KAZN: variants seen among roughly 807,000 people sequenced by gnomAD.
The protein encoded by KAZN is kazrin, periplakin interacting protein.
Under a neutral mutation model 87.4 loss-of-function variants are expected in KAZN, and 40 were observed. The observed-to-expected ratio is 0.46, with a 90% CI of 0.36 to 0.60. The LOEUF (loss-of-function observed/expected upper bound fraction) is 0.60. KAZN is among the 20% of genes least tolerant of loss of function. The probability of loss-of-function intolerance (pLI) is 0.00; values close to 1 mark genes in which losing one functional copy is unlikely to be tolerated. For synonymous variants in KAZN, 466 were observed against 458.3 expected, an observed-to-expected ratio of 1.02 and a Z score of -0.22; for missense variants, 898 against 1,073.9, an observed-to-expected ratio of 0.84 and a Z score of 2.29.
chr1:14,175,720 G>A (rs1164126573), intron 1 of KAZN, among the ~76,000 whole-genome samples: 1 of 152,202 alleles, frequency 6.6e-6, no homozygotes, highest in African/African-American at 2.4e-5. Context: ...ACTGGCATAA[G>A]GAGTTTTGTT....
At chr1:14,758,070 C>T (rs1385564483) in intron 1 of KAZN, among the ~76,000 whole-genome samples, 1 of 152,036 alleles carries the variant, frequency 6.6e-6, no homozygotes, top group African/African-American at 2.4e-5. Context: ...ACTTCACTGC[C>T]TCTTGACTTT....
At chr1:14,415,880 G>A (rs1450509664) in intron 2 of KAZN, among the ~76,000 whole-genome samples, 3 of 152,088 alleles carry the variant, frequency 2.0e-5, no homozygotes, top group African/African-American at 4.8e-5. Context: ...AGCAGAAGGC[G>A]TGCTTCCCAA....
chr1:14,213,492 G>T (rs1362185721), intron 2 of KAZN, among the ~76,000 whole-genome samples: 7 of 152,146 alleles, frequency 4.6e-5, no homozygotes, highest in Admixed American at 3.9e-4. Context: ...AGACAGAGGA[G>T]GGCAAGTGCA....
In KAZN at chr1:14,880,747, G is replaced by C. The variant is rs61303881; in HGVS notation, c.227-79937G>C. ...TTCTCCCTGTGACCTGGACTTCTTA[G>C]AGCATAGATTTGTGCATTCCAGGAG... On this transcript the variant is annotated intron_variant, in intron 1 of 14. Transcript: ENST00000376030. 7.2e-3 allele frequency among the ~76,000 whole-genome samples: 1,100 copies of C among 152,268 alleles called. 15 individuals carry two copies. Among genetic ancestry groups the C allele is most frequent in the African/African-American group, 0.026 (1,062 of 41,538 alleles).
chr1:14,498,052 G>C (rs1246938078), intron 2 of KAZN, among the ~76,000 whole-genome samples: 3 of 152,056 alleles, frequency 2.0e-5, no homozygotes, highest in Non-Finnish European at 1.5e-5. Flanking sequence ...CACCTCATTC[G>C]TATTCAATGT....
chr1:13,995,617 T>A (rs1639478243), intron 1 of KAZN, among the ~76,000 whole-genome samples: 2 of 152,224 alleles, frequency 1.3e-5, no homozygotes, highest in African/African-American at 4.8e-5. Flanking sequence ...ATTTACAGAT[T>A]TGACACGATC....
intron 2 of KAZN, among the ~76,000 whole-genome samples, chr1:14,554,664 G>A (rs1046118349): frequency 6.6e-6 from 1 of 152,154 alleles, no homozygotes; most frequent in Non-Finnish European, 1.5e-5. Flanking sequence ...TATTAATCCG[G>A]TACTTGACAT....
At chr1:13,984,552 A>G (rs1389164028) in intron 1 of KAZN, among the ~76,000 whole-genome samples, 1 of 152,202 alleles carries the variant, frequency 6.6e-6, no homozygotes, top group East Asian at 1.9e-4. Context: ...GAAGATGATA[A>G]CCTTGTAAAG....
intron 2 of KAZN, among the ~76,000 whole-genome samples, chr1:14,237,176 T>G (rs1352366807): frequency 6.6e-6 from 1 of 152,152 alleles, no homozygotes; most frequent in Non-Finnish European, 1.5e-5. Flanking sequence ...CCTTTCAGCA[T>G]CTCACTCTCT....
At chr1:14,337,854 A>C (rs921970605) in intron 2 of KAZN, among the ~76,000 whole-genome samples, 1 of 148,876 alleles carries the variant, frequency 6.7e-6, no homozygotes, top group African/African-American at 2.5e-5. Context: ...AGATTGAATC[A>C]CTGTACTCCA....
rs957957161 is a variant in KAZN, at chr1:14,820,329, C to T, written c.227-140355C>T. 1.1e-4 allele frequency among the ~76,000 whole-genome samples: 17 copies of T among 152,344 alleles called. No individual in the cohort carries two copies. Among genetic ancestry groups the T allele is most frequent in the Non-Finnish European group, 2.1e-4 (14 of 68,024 alleles). On this transcript the variant is annotated intron_variant, in intron 1 of 14. Coordinates refer to ENST00000376030, the MANE Select transcript of KAZN (RefSeq NM_201628.3). The surrounding 1 kb of genome is among the most constrained non-coding windows in gnomAD (Gnocchi z 4.1). ...GCTTTTGAGGGTTACTTAGCCAAGTCATTGCCTCTGTTCCCGGAGCCATCT... is the reference window on the plus strand; with the variant it reads ...GCTTTTGAGGGTTACTTAGCCAAGTTATTGCCTCTGTTCCCGGAGCCATCT...
At chr1:15,027,618 C>A (rs1671304707) in intron 2 of KAZN, among the ~76,000 whole-genome samples, 1 of 152,176 alleles carries the variant, frequency 6.6e-6, no homozygotes, top group Non-Finnish European at 1.5e-5. Context: ...CCTCATTTCG[C>A]AGAATGTAGT....
intron 2 of KAZN, among the ~76,000 whole-genome samples, chr1:14,550,743 CACCCCG>C (rs1673463661): frequency 4.0e-5 from 3 of 74,628 alleles, no homozygotes; most frequent in South Asian, 9.2e-4. Flanking sequence ...CTCTCTCCCC[CACCCCG>C]CCACCCCCTC....
intron 4 of KAZN, among the ~76,000 whole-genome samples, chr1:15,051,167 C>T (rs765091134): frequency 3.3e-5 from 5 of 152,258 alleles, no homozygotes; most frequent in East Asian, 1.9e-4. Flanking sequence ...ATTCCCTAGA[C>T]GAGCACTCAT....
intron 2 of KAZN, chr1:14,349,441 G>GA (rs1277573753): frequency 6.6e-6 from 1 of 152,078 alleles, no homozygotes; most frequent in Non-Finnish European, 1.5e-5. Flanking sequence ...TTTATTTCTT[G>GA]AAAAATAAAA....
chr1:14,914,421 C>A (rs2690028), intron 1 of KAZN, among the ~76,000 whole-genome samples: 1 of 152,072 alleles, frequency 6.6e-6, no homozygotes, highest in Non-Finnish European at 1.5e-5. Context: ...TACTATTTGC[C>A]GGTAGCACAG....
chr1:14,125,922 T>A (rs1380386400), intron 1 of KAZN, among the ~76,000 whole-genome samples: 2 of 126,044 alleles, frequency 1.6e-5, no homozygotes, highest in Non-Finnish European at 3.2e-5. Flanking sequence ...CAGGTGTAAC[T>A]GCAGCCTCCG....
chr1:15,092,073 A>ATTTTTT (rs58871336), intron 8 of KAZN, among the ~76,000 whole-genome samples: 35 of 75,466 alleles, frequency 4.6e-4, no homozygotes, highest in East Asian at 1.7e-3. Context: ...TTTTTTTTTG[A>ATTTTTT]TTTTTTTTTT....
At chr1:14,614,104 T>A (rs34103159) in intron 1 of KAZN, among the ~76,000 whole-genome samples, 1 of 152,170 alleles carries the variant, frequency 6.6e-6, no homozygotes. Flanking sequence ...CATCACTAAC[T>A]AGTGTCACCC....
Sources: allele counts gnomAD v4.1 joint callset (sites outside exome capture counted in the v4.1 genomes callset), GRCh38; gene constraint gnomAD v4.1.1; non-coding constraint Gnocchi (gnomAD v3.1); transcripts MANE v1.5; gene names NCBI Gene and HGNC (gene_info 2026-07-23, HGNC 2026-07-21).